DNAJC5: variants seen among roughly 807,000 people sequenced by gnomAD.
DNAJC5 encodes DnaJ heat shock protein family (Hsp40) member C5.
In DNAJC5, 1 loss-of-function variant was observed where a neutral mutation model predicts 23.2. That is an observed-to-expected ratio of 0.04 (90% CI 0.02 to 0.20). The LOEUF is 0.20. DNAJC5 is among the 10% of genes least tolerant of loss of function. The pLI is 1.00. For synonymous variants in DNAJC5, 136 were observed against 120.0 expected (o/e 1.13, Z -0.87); for missense variants, 180 against 267.0 (o/e 0.67, Z 2.27).
At position 63,931,452 on chromosome 20, in the gene DNAJC5, G is replaced by A; in HGVS notation, c.494-13G>A. 2.6e-6 allele frequency: 4 copies of A among 1,545,474 alleles called. No homozygotes were observed. Among genetic ancestry groups the A allele is most frequent in the South Asian group, 1.2e-5 (1 of 84,442 alleles). ...GTGGCCCTCGTGCAGTGCCCTGTGT[G>A]CTTGCTTTTCAGAGGCCACAGACAC... On this transcript the variant is annotated splice_polypyrimidine_tract_variant and intron_variant, in intron 4 of 4. Coordinates refer to ENST00000360864, the MANE Select transcript of DNAJC5 (RefSeq NM_025219.3). The surrounding 1 kb of genome is among the most constrained non-coding windows in gnomAD (Gnocchi z 9.6).
chr20:63,931,771 G>A lies in DNAJC5; in HGVS notation c.*203G>A, dbSNP rs1320632353. On this transcript the variant is annotated 3_prime_UTR_variant, in exon 5 of 5. Coordinates refer to ENST00000360864, the MANE Select transcript of DNAJC5 (RefSeq NM_025219.3). This position sits in a 1 kb window ranked among gnomAD's most constrained non-coding sequence, Gnocchi z 9.6. ...GCAGTATTTAAAGCAGTGTAGCTAC[G>A]GTCTTCTGTTTTTTTCCCTTTTTTA... The A allele has an allele frequency of 2.9e-5, 18 of 624,822 alleles. No individual in the cohort carries two copies. Among genetic ancestry groups the A allele is most frequent in the Admixed American group, 5.2e-5 (2 of 38,222 alleles). The allele number at this position is 624,822 out of a possible 1,614,324, so 38.7% of individuals were successfully genotyped here. A position where few individuals can be genotyped will look rare whatever the true frequency, so the allele number is the denominator to read the frequency against.
At chr20:63,908,700 T>G (rs1170125571) in intron 1 of DNAJC5, among the ~76,000 whole-genome samples, 1 of 152,166 alleles carries the variant, frequency 6.6e-6, no homozygotes, top group Non-Finnish European at 1.5e-5. Flanking sequence ...CCCAGCTGCT[T>G]GAAGTGGGAG....
In DNAJC5 at chr20:63,929,197, T is replaced by C; in HGVS notation, c.108-115T>C. The C allele has an allele frequency of 7.3e-6, 9 of 1,236,954 alleles. No individual in the cohort carries two copies. Among genetic ancestry groups the C allele is most frequent in the Non-Finnish European group, 1.0e-5 (9 of 863,736 alleles). 76.6% of individuals were successfully genotyped at this position (1,236,954 alleles called of 1,614,324 possible). ...TGGAGAGTCGGACAGTGAGGTGGCCTGGGTGGACCTGCCTTCCACTGCACC... is the reference window on the plus strand; with the variant it reads ...TGGAGAGTCGGACAGTGAGGTGGCCCGGGTGGACCTGCCTTCCACTGCACC... On this transcript the variant is annotated intron_variant, in intron 2 of 4. Coordinates refer to ENST00000360864, the MANE Select transcript of DNAJC5 (RefSeq NM_025219.3). This position sits in a 1 kb window ranked among gnomAD's most constrained non-coding sequence, Gnocchi z 8.6.
At chr20:63,909,556 C>A (rs1483891232) in intron 1 of DNAJC5, among the ~76,000 whole-genome samples, 1 of 151,698 alleles carries the variant, frequency 6.6e-6, no homozygotes, top group East Asian at 1.9e-4. Flanking sequence ...GTGATGCGTG[C>A]CGTAGTCCCA....
At position 63,920,490 on chromosome 20, in the gene DNAJC5, GC is replaced by G. The variant is rs552935418; in HGVS notation, c.-11-7844del. Among the ~76,000 whole-genome samples the G allele has an allele frequency of 4.3e-4, 66 of 152,314 alleles. 1 individual carries two copies. The South Asian group carries it at 0.013, about 31-fold the overall frequency. ...GTGAAGGAGCCGAGGTCATAGAGTGGCTGCCCTGGCGTAGGGAGGGAGGACA... is the reference window on the plus strand; with the variant it reads ...GTGAAGGAGCCGAGGTCATAGAGTGGTGCCCTGGCGTAGGGAGGGAGGACA... On this transcript the variant is annotated intron_variant, in intron 1 of 4. Transcript: ENST00000360864. The surrounding 1 kb of genome is among the most constrained non-coding windows in gnomAD (Gnocchi z 4.6).
chr20:63,908,556 T>C (rs894199095), intron 1 of DNAJC5, among the ~76,000 whole-genome samples: 1 of 152,224 alleles, frequency 6.6e-6, no homozygotes, highest in Admixed American at 6.5e-5. Flanking sequence ...TAAGTAGATA[T>C]GATACTGCAA....
chr20:63,895,306 GGGCGGGCGGACGGGCA>G lies in DNAJC5; in HGVS notation c.-26_-12+1del, dbSNP rs1263650012. On this transcript the variant is annotated splice_region_variant and 5_prime_UTR_variant, in exon 1 of 5. Transcript: ENST00000360864. ...CCGCGGAGCCGGCGGGAGGGCGGGC[GGGCGGGCGGACGGGCA>G]GGTGAGCTCGCTGCGGGTCGGGCGG... The G allele has an allele frequency of 6.8e-6, 1 of 147,976 alleles. No homozygotes were observed. Among genetic ancestry groups the G allele is most frequent in the Admixed American group, 6.8e-5 (1 of 14,806 alleles). The allele number at this position is 147,976 out of a possible 1,614,324, so 9.2% of individuals were successfully genotyped here. A position where few individuals can be genotyped will look rare whatever the true frequency, so the allele number is the denominator to read the frequency against.
chr20:63,920,301 C>T lies in DNAJC5; in HGVS notation c.-11-8034C>T, dbSNP rs998682674. On this transcript the variant is annotated intron_variant, in intron 1 of 4. Coordinates refer to ENST00000360864, the MANE Select transcript of DNAJC5 (RefSeq NM_025219.3). The surrounding 1 kb of genome is among the most constrained non-coding windows in gnomAD (Gnocchi z 4.6). ...GTGCGTCAGGGGCTGACGTGGGACC[C>T]GGCACTCTGTGCTCTGTGTCTGCCC... Among the ~76,000 whole-genome samples, 10 of 152,230 alleles carry T rather than the reference C, an allele frequency of 6.6e-5. No individual in the cohort carries two copies. The highest frequency in any genetic ancestry group is 1.2e-4 in the Non-Finnish European group (8 of 68,042).
At chr20:63,925,469 G>A (rs2053605160) in intron 1 of DNAJC5, among the ~76,000 whole-genome samples, 2 of 150,604 alleles carry the variant, frequency 1.3e-5, no homozygotes, top group African/African-American at 2.4e-5. Context: ...GGCAAACAGA[G>A]CGAGACTCCA....
intron 1 of DNAJC5, among the ~76,000 whole-genome samples, chr20:63,905,979 G>A (rs929291055): frequency 9.2e-5 from 14 of 151,672 alleles, no homozygotes; most frequent in African/African-American, 4.8e-5. Context: ...CAGGTGATCC[G>A]CCTCAGCCTC....
At chr20:63,901,169 T>C (rs2053408832) in intron 1 of DNAJC5, among the ~76,000 whole-genome samples, 1 of 152,268 alleles carries the variant, frequency 6.6e-6, no homozygotes. Context: ...TTCACCATGT[T>C]GTCCAGGCTG....
At chr20:63,912,895 C>T (rs962234101) in intron 1 of DNAJC5, among the ~76,000 whole-genome samples, 2 of 152,144 alleles carry the variant, frequency 1.3e-5, no homozygotes, top group Non-Finnish European at 2.9e-5. Flanking sequence ...GTTTGGCCAC[C>T]GTGCCCGGCC....
chr20:63,929,297 G>C lies in DNAJC5; in HGVS notation c.108-15G>C. 6.2e-7 allele frequency: 1 copy of C among 1,611,376 alleles called. No homozygotes were observed. The highest frequency in any genetic ancestry group is 8.5e-7 in the Non-Finnish European group (1 of 1,178,926). ...AAAGTCCAGGGTAGAGCCAGGACAT[G>C]GTTTTGGTTTGCAGGAAGCTTGCCT... On this transcript the variant is annotated splice_polypyrimidine_tract_variant and intron_variant, in intron 2 of 4. Coordinates refer to ENST00000360864, the MANE Select transcript of DNAJC5 (RefSeq NM_025219.3). The surrounding 1 kb of genome is among the most constrained non-coding windows in gnomAD (Gnocchi z 8.6).
intron 1 of DNAJC5, among the ~76,000 whole-genome samples, chr20:63,898,982 T>C (rs1166016511): frequency 6.6e-6 from 1 of 152,202 alleles, no homozygotes; most frequent in Non-Finnish European, 1.5e-5. Context: ...TGCCCCGCCA[T>C]AGGCCTTCCC....
intron 1 of DNAJC5, among the ~76,000 whole-genome samples, chr20:63,901,034 G>T (rs979080808): frequency 2.0e-5 from 3 of 152,220 alleles, no homozygotes; most frequent in Admixed American, 2.0e-4. Context: ...GCACGATCGT[G>T]TCTCACTGCC....
intron 1 of DNAJC5, among the ~76,000 whole-genome samples, chr20:63,903,506 A>C (rs1219874740): frequency 1.3e-5 from 2 of 151,922 alleles, no homozygotes; most frequent in African/African-American, 4.8e-5. Flanking sequence ...ACGGGGTTTC[A>C]CCATGTTGGC....
intron 1 of DNAJC5, among the ~76,000 whole-genome samples, chr20:63,904,848 G>T (rs550665467): frequency 6.6e-6 from 1 of 152,336 alleles, no homozygotes; most frequent in Non-Finnish European, 1.5e-5. Flanking sequence ...TTGTACCCCA[G>T]GCTGGAGTGC....
intron 1 of DNAJC5, among the ~76,000 whole-genome samples, chr20:63,902,055 CTT>C (rs554884335): frequency 2.7e-5 from 4 of 145,762 alleles, no homozygotes; most frequent in Admixed American, 6.9e-5. Flanking sequence ...AATAATAATG[CTT>C]TTTTTTTTTG....
In DNAJC5 at chr20:63,932,421, C is replaced by T. The variant is rs6011230; in HGVS notation, c.*853C>T. 43 of 152,910 alleles carry T rather than the reference C, an allele frequency of 2.8e-4. No homozygotes were observed. The highest frequency in any genetic ancestry group is 5.3e-4 in the Non-Finnish European group (36 of 68,164). The allele number at this position is 152,910 out of a possible 1,614,324, so 9.5% of individuals were successfully genotyped here. On this transcript the variant is annotated 3_prime_UTR_variant, in exon 5 of 5. Transcript: ENST00000360864. The surrounding 1 kb of genome is among the most constrained non-coding windows in gnomAD (Gnocchi z 4.4). Reference sequence around the variant, plus strand: ...CTGGATTGATGGGGCCAGTCTCCCCCCTCCCATCTTGAGGTCGTTCTCCAC... The same window carrying T: ...CTGGATTGATGGGGCCAGTCTCCCCTCTCCCATCTTGAGGTCGTTCTCCAC...
Sources: allele counts gnomAD v4.1 joint callset (sites outside exome capture counted in the v4.1 genomes callset), GRCh38; gene constraint gnomAD v4.1.1; non-coding constraint Gnocchi (gnomAD v3.1); transcripts MANE v1.5; gene names NCBI Gene and HGNC (gene_info 2026-07-23, HGNC 2026-07-21).